The following CHCHD3 variants were observed in gnomAD, a reference collection of about 807,000 sequenced individuals.
The protein encoded by CHCHD3 is MICOS complex subunit MIC19.
CHCHD3 carries 20 observed loss-of-function variants against 38.2 expected under a neutral mutation model. That is an observed-to-expected ratio of 0.52 (90% CI 0.37 to 0.76). The LOEUF (loss-of-function observed/expected upper bound fraction) is 0.76. CHCHD3 is among the 30% of genes least tolerant of loss of function. The pLI is 0.00. For missense variants in CHCHD3, 245 were observed against 279.2 expected (o/e 0.88, Z 0.87); for synonymous variants, 82 against 100.0 (o/e 0.82, Z 1.07).
intron 2 of CHCHD3, among the ~76,000 whole-genome samples, chr7:133,030,012 GAA>G (rs201845501): frequency 2.9e-5 from 4 of 136,372 alleles, no homozygotes; most frequent in East Asian, 4.2e-4. Context: ...TCCAGAAAAG[GAA>G]AAAAAAAAAA....
chr7:133,051,974 A>C (rs1023665042), intron 2 of CHCHD3: 1 of 152,240 alleles, frequency 6.6e-6, no homozygotes, highest in Admixed American at 6.5e-5. Context: ...AGAGAAATAA[A>C]GAAACATACC....
At chr7:132,953,629 T>A (rs550646523) in intron 4 of CHCHD3, among the ~76,000 whole-genome samples, 71 of 152,290 alleles carry the variant, frequency 4.7e-4, no homozygotes, top group Admixed American at 1.9e-3. Context: ...TTAGGACATG[T>A]ATGGTGAACT....
chr7:133,038,731 C>T (rs1330279555), intron 2 of CHCHD3, among the ~76,000 whole-genome samples: 4 of 152,134 alleles, frequency 2.6e-5, no homozygotes, highest in African/African-American at 4.8e-5. Context: ...ACAAATACCC[C>T]GCAACATTAA....
At chr7:132,874,088 C>T (rs550024510) in intron 5 of CHCHD3, among the ~76,000 whole-genome samples, 8 of 152,168 alleles carry the variant, frequency 5.3e-5, no homozygotes, top group East Asian at 3.9e-4. Context: ...ATCATTCATT[C>T]GACAAATATT....
intron 3 of CHCHD3, among the ~76,000 whole-genome samples, chr7:132,990,355 A>T (rs1026906657): frequency 1.4e-4 from 21 of 152,192 alleles, no homozygotes; most frequent in Non-Finnish European, 2.5e-4. Context: ...CTAGACAATC[A>T]TGAAGTCAGC....
intron 3 of CHCHD3, among the ~76,000 whole-genome samples, chr7:133,006,424 G>A (rs1366133467): frequency 6.6e-6 from 1 of 151,866 alleles, no homozygotes; most frequent in Non-Finnish European, 1.5e-5. Context: ...CTGAGATCGC[G>A]CCGCTGCACT....
chr7:132,970,380 A>G (rs188746528), intron 4 of CHCHD3, among the ~76,000 whole-genome samples: 2 of 152,204 alleles, frequency 1.3e-5, no homozygotes, highest in African/African-American at 4.8e-5. Flanking sequence ...TCAATCAACA[A>G]ATATGTATTG....
At chr7:133,008,425 GAAAAAAAAAA>G (rs988855864) in intron 3 of CHCHD3, among the ~76,000 whole-genome samples, 2 of 74,086 alleles carry the variant, frequency 2.7e-5, no homozygotes, top group Non-Finnish European at 5.8e-5. Context: ...ATGCAGAAAA[GAAAAAAAAAA>G]AAGAAAAAAA....
chr7:132,902,211 C>G (rs1422083546), intron 4 of CHCHD3, among the ~76,000 whole-genome samples: 1 of 152,194 alleles, frequency 6.6e-6, no homozygotes, highest in Non-Finnish European at 1.5e-5. Context: ...CACTTTTACA[C>G]TGTTGGTGGG....
intron 2 of CHCHD3, among the ~76,000 whole-genome samples, chr7:133,069,324 C>T (rs1395861176): frequency 6.6e-6 from 1 of 151,744 alleles, no homozygotes; most frequent in Non-Finnish European, 1.5e-5. Context: ...CGGGGGGGGT[C>T]ACAATTGGCC....
intron 6 of CHCHD3, among the ~76,000 whole-genome samples, chr7:132,837,664 A>C (rs1807821937): frequency 6.6e-6 from 1 of 152,212 alleles, no homozygotes; most frequent in African/African-American, 2.4e-5. Flanking sequence ...AGCCCGATGC[A>C]ATCTTTCAAC....
chr7:133,038,389 G>C (rs1813736825), intron 2 of CHCHD3, among the ~76,000 whole-genome samples: 1 of 152,166 alleles, frequency 6.6e-6, no homozygotes, highest in Admixed American at 6.5e-5. Flanking sequence ...GTTATTTGCT[G>C]AAGAGTTCCT....
At chr7:132,883,894 T>A (rs1666647061) in intron 5 of CHCHD3, among the ~76,000 whole-genome samples, 1 of 152,130 alleles carries the variant, frequency 6.6e-6, no homozygotes, top group Non-Finnish European at 1.5e-5. Flanking sequence ...CCAATCCATA[T>A]CTTAAGAATC....
chr7:132,840,398 G>A (rs1807910956), intron 5 of CHCHD3, among the ~76,000 whole-genome samples: 2 of 152,184 alleles, frequency 1.3e-5, no homozygotes, highest in African/African-American at 2.4e-5. Context: ...TAAAATGCTG[G>A]CTAAGCAATA....
chr7:132,873,750 A>C (rs1808826580), intron 5 of CHCHD3, among the ~76,000 whole-genome samples: 1 of 146,066 alleles, frequency 6.8e-6, no homozygotes, highest in Non-Finnish European at 1.5e-5. Flanking sequence ...TTGTGGATAA[A>C]ATTGATATCA....
intron 4 of CHCHD3, among the ~76,000 whole-genome samples, chr7:132,940,157 G>T (rs1001545567): frequency 6.6e-5 from 10 of 152,180 alleles, no homozygotes; most frequent in Non-Finnish European, 1.5e-5. Flanking sequence ...CAGCTACTCA[G>T]ATGAAATTTT....
At chr7:132,931,537 A>G (rs1272345664) in intron 4 of CHCHD3, among the ~76,000 whole-genome samples, 2 of 152,226 alleles carry the variant, frequency 1.3e-5, no homozygotes. Flanking sequence ...CGCTAATCAA[A>G]GTATTAAAAC....
At chr7:133,030,201 A>G (rs1338354598) in intron 2 of CHCHD3, among the ~76,000 whole-genome samples, 1 of 152,226 alleles carries the variant, frequency 6.6e-6, no homozygotes, top group Non-Finnish European at 1.5e-5. Flanking sequence ...ATGGGTTCTG[A>G]GCACATCTAA....
chr7:132,960,287 G>A (rs76857224), intron 4 of CHCHD3, among the ~76,000 whole-genome samples: 4,561 of 152,148 alleles, frequency 0.03, 89 homozygotes, highest in Non-Finnish European at 0.047. Flanking sequence ...AAGAGAGGAC[G>A]GGGAAAGCAG....
Sources: gnomAD v4.1 joint callset for allele counts (sites outside exome capture counted in the v4.1 genomes callset) on GRCh38, gnomAD v4.1.1 for gene constraint, MANE v1.5 for transcripts, NCBI Gene and HGNC (gene_info 2026-07-23, HGNC 2026-07-21) for gene names.